Variants in STPG2 observed in about 807,000 individuals in gnomAD.
STPG2 encodes sperm-tail PG-rich repeat-containing protein 2.
A neutral mutation model predicts 54.2 loss-of-function variants in STPG2; 56 were observed. That is an observed-to-expected ratio of 1.03 (90% CI 0.83 to 1.29). The LOEUF is 1.29. Among genes scored for constraint, STPG2 ranks in the 50% most tolerant of loss-of-function variants. STPG2 has a pLI of 0.00. For missense variants in STPG2, 596 were observed against 544.9 expected (o/e 1.09, Z -0.93); for synonymous variants, 200 against 181.8 (o/e 1.10, Z -0.81).
At chr4:97,631,227 G>T (rs538514368) in intron 10 of STPG2, among the ~76,000 whole-genome samples, 29 of 151,928 alleles carry the variant, frequency 1.9e-4, no homozygotes, top group African/African-American at 6.3e-4. Context: ...TGACAAAGAA[G>T]GCAAGACATT....
At chr4:97,762,715 C>A (rs971889519) in intron 9 of STPG2, among the ~76,000 whole-genome samples, 2 of 152,018 alleles carry the variant, frequency 1.3e-5, no homozygotes, top group African/African-American at 4.8e-5. Context: ...GCAAAAAAAG[C>A]TTCAAAACAA....
chr4:98,047,435 T>G (rs13118945), intron 5 of STPG2, among the ~76,000 whole-genome samples: 59,979 of 151,432 alleles, frequency 0.4, 12,065 homozygotes, highest in Middle Eastern at 0.48. Flanking sequence ...AGCTTGGAAA[T>G]TGTGCAGGCA....
In STPG2 at chr4:97,930,099, A is replaced by T. The variant is rs1392906135; in HGVS notation, c.1044+13798T>A. On this transcript the variant is annotated intron_variant, in intron 8 of 10. Coordinates refer to ENST00000295268, the MANE Select transcript of STPG2 (RefSeq NM_174952.3). ...TTTTTAGTAGAGATGAGGTTTCACCATGTTGGCCAGGATGGTCTCAATCTC... is the reference window on the plus strand; with the variant it reads ...TTTTTAGTAGAGATGAGGTTTCACCTTGTTGGCCAGGATGGTCTCAATCTC... 4.6e-5 allele frequency among the ~76,000 whole-genome samples: 7 copies of T among 152,130 alleles called. No individual in the cohort carries two copies. The South Asian group carries it at 1.2e-3, about 27-fold the overall frequency.
intron 9 of STPG2, among the ~76,000 whole-genome samples, chr4:97,806,295 C>T (rs1230343096): frequency 1.3e-5 from 2 of 152,066 alleles, no homozygotes; most frequent in Non-Finnish European, 2.9e-5. Context: ...ATGTTCTTGC[C>T]TATAAATGGA....
intron 9 of STPG2, among the ~76,000 whole-genome samples, chr4:97,765,987 A>G (rs926326731): frequency 6.6e-6 from 1 of 152,126 alleles, no homozygotes; most frequent in Non-Finnish European, 1.5e-5. Context: ...GAACTTTCTA[A>G]CTTGCAGAGG....
chr4:97,729,363 C>A (rs546917231), intron 9 of STPG2, among the ~76,000 whole-genome samples: 1 of 152,046 alleles, frequency 6.6e-6, no homozygotes, highest in Non-Finnish European at 1.5e-5. Context: ...TGAATAAAAG[C>A]AATAGCAAAA....
intron 5 of STPG2, among the ~76,000 whole-genome samples, chr4:98,003,050 G>A (rs1450796403): frequency 6.6e-6 from 1 of 152,012 alleles, no homozygotes; most frequent in Non-Finnish European, 1.5e-5. Context: ...CATTTCTCTT[G>A]CTAGCTTCTA....
At position 97,543,858 on chromosome 4, in the gene STPG2, G is replaced by T. The variant is rs971482442; in HGVS notation, c.462+168841C>A. 4.6e-5 allele frequency among the ~76,000 whole-genome samples: 7 copies of T among 152,074 alleles called. No homozygotes were observed. In the South Asian group the frequency reaches 8.3e-4, roughly 18 times the overall value. On this transcript the variant is annotated intron_variant, in intron 4 of 4. Coordinates refer to the STPG2 transcript ENST00000522676. Reference sequence around the variant, plus strand: ...ACCTGGGGAACTTATTAAACTCATAGATGGTTAGCTTCAGTAGATCCTGGT... The same window carrying T: ...ACCTGGGGAACTTATTAAACTCATATATGGTTAGCTTCAGTAGATCCTGGT...
downstream of STPG2, chr4:97,558,835 A>G (rs1309151811): frequency 8.1e-6 from 4 of 493,604 alleles, no homozygotes; most frequent in Non-Finnish European, 1.4e-5. Context: ...CTGTTAAGCA[A>G]TAACAGATAA....
At chr4:97,698,110 G>A (rs776718210) in intron 10 of STPG2, among the ~76,000 whole-genome samples, 4 of 151,890 alleles carry the variant, frequency 2.6e-5, no homozygotes, top group African/African-American at 7.3e-5. Context: ...CTCCATGACC[G>A]ATCTGGTCTC....
intron 4 of STPG2, among the ~76,000 whole-genome samples, chr4:98,107,865 A>C (rs1221269884): frequency 6.6e-6 from 1 of 152,118 alleles, no homozygotes; most frequent in Non-Finnish European, 1.5e-5. Context: ...AGCATATGTC[A>C]AGAAGACTAT....
intron 9 of STPG2, among the ~76,000 whole-genome samples, chr4:97,830,245 C>T (rs1434838643): frequency 6.6e-6 from 1 of 152,096 alleles, no homozygotes; most frequent in Non-Finnish European, 1.5e-5. Flanking sequence ...AAAGTATTTT[C>T]AACACAGAAT....
intron 4 of STPG2, among the ~76,000 whole-genome samples, chr4:97,499,538 T>C (rs1004283646): frequency 6.6e-6 from 1 of 152,008 alleles, no homozygotes; most frequent in African/African-American, 2.4e-5. Context: ...TTCATGGCAT[T>C]GATCATGTTC....
chr4:97,994,369 CT>C (rs1388000317), intron 5 of STPG2, among the ~76,000 whole-genome samples: 5 of 152,186 alleles, frequency 3.3e-5, no homozygotes, highest in Non-Finnish European at 5.9e-5. Flanking sequence ...TTTGTTGAGA[CT>C]TTTTTTGTGG....
At chr4:97,595,670 G>A (rs1733270897) in intron 10 of STPG2, among the ~76,000 whole-genome samples, 1 of 151,542 alleles carries the variant, frequency 6.6e-6, no homozygotes, top group Admixed American at 6.6e-5. Flanking sequence ...GCCAAAGTAA[G>A]CCTCATAAGC....
At chr4:97,611,865 T>G (rs761402538) in intron 10 of STPG2, among the ~76,000 whole-genome samples, 1 of 151,644 alleles carries the variant, frequency 6.6e-6, no homozygotes, top group Non-Finnish European at 1.5e-5. Context: ...GAGGAGAAAA[T>G]GTAAATGAAT....
At chr4:97,600,730 T>A (rs190940096) in intron 10 of STPG2, among the ~76,000 whole-genome samples, 8 of 151,978 alleles carry the variant, frequency 5.3e-5, no homozygotes, top group Non-Finnish European at 7.4e-5. Flanking sequence ...ATATGCATAG[T>A]GGGGGAAAGT....
At chr4:97,557,654 G>C (rs1009906358), downstream of STPG2, among the ~76,000 whole-genome samples, 2 of 152,014 alleles carry the variant, frequency 1.3e-5, no homozygotes, top group Admixed American at 6.6e-5. Flanking sequence ...AAGACATAAG[G>C]GTAGGCACAG....
chr4:97,609,353 C>A (rs1445810879), intron 10 of STPG2, among the ~76,000 whole-genome samples: 1 of 151,924 alleles, frequency 6.6e-6, no homozygotes, highest in East Asian at 1.9e-4. Context: ...CAGAACCTTC[C>A]CAAGTCATTT....
Sources: allele counts gnomAD v4.1 joint callset (sites outside exome capture counted in the v4.1 genomes callset), GRCh38; gene constraint gnomAD v4.1.1; transcripts MANE v1.5; gene names NCBI Gene and HGNC (gene_info 2026-07-23, HGNC 2026-07-21).